The following GRIN2B variants were observed in gnomAD, a reference collection of about 807,000 sequenced individuals.
The protein encoded by GRIN2B is glutamate ionotropic receptor NMDA type subunit 2B, also known as glutamate receptor ionotropic, NMDA 2B.
In GRIN2B, 5 loss-of-function variants were observed where a neutral mutation model predicts 114.5. That is an observed-to-expected ratio of 0.04 (90% CI 0.02 to 0.09). GRIN2B has a LOEUF of 0.09. Among genes scored for constraint, GRIN2B ranks in the 10% least tolerant of loss-of-function variants. The pLI, the probability that GRIN2B is intolerant of heterozygous loss-of-function variation, is 1.00. For missense variants in GRIN2B, 1,108 were observed against 1,943.5 expected, an observed-to-expected ratio of 0.57 and a Z score of 8.08; for synonymous variants, 787 against 745.1, an observed-to-expected ratio of 1.06 and a Z score of -0.92.
At chr12:13,939,924 A>G (rs1056268370) in intron 2 of GRIN2B, among the ~76,000 whole-genome samples, 38 of 152,278 alleles carry the variant, frequency 2.5e-4, no homozygotes, top group East Asian at 7.7e-4. Flanking sequence ...ACAAAACTAG[A>G]AAGGGTTGAG....
chr12:13,839,393 A>G (rs1310381043), intron 3 of GRIN2B, among the ~76,000 whole-genome samples: 1 of 152,202 alleles, frequency 6.6e-6, no homozygotes, highest in Admixed American at 6.5e-5. Context: ...AGTTGGAGAA[A>G]ATTTGAAAGT....
At chr12:13,587,341 TTTC>T (rs1344101946) in intron 10 of GRIN2B, among the ~76,000 whole-genome samples, 1 of 150,696 alleles carries the variant, frequency 6.6e-6, no homozygotes, top group East Asian at 1.9e-4. Context: ...TTTCTTTTTA[TTTC>T]TTTTTTTTTT....
intron 4 of GRIN2B, among the ~76,000 whole-genome samples, chr12:13,688,446 C>T (rs1231591584): frequency 6.6e-6 from 1 of 152,096 alleles, no homozygotes; most frequent in Non-Finnish European, 1.5e-5. Context: ...GAGCTATGTT[C>T]ATAGGATAAT....
intron 3 of GRIN2B, among the ~76,000 whole-genome samples, chr12:13,820,706 C>T (rs553089634): frequency 3.3e-4 from 50 of 152,268 alleles, no homozygotes; most frequent in South Asian, 1.9e-3. Flanking sequence ...GGGATGAGGG[C>T]AAACCTGGTT....
At chr12:13,744,178 A>G (rs1239450927) in intron 4 of GRIN2B, among the ~76,000 whole-genome samples, 1 of 152,236 alleles carries the variant, frequency 6.6e-6, no homozygotes, top group Non-Finnish European at 1.5e-5. Flanking sequence ...GGAAATATTT[A>G]CTTGATATTC....
In GRIN2B at chr12:13,755,025, G is replaced by A. The variant is rs188889443; in HGVS notation, c.412-1110C>T. On this transcript the variant is annotated intron_variant, in intron 3 of 13. Transcript: ENST00000609686. The stretch of plus-strand genomic sequence containing the variant: ...CCTATTTCCCCTGATTTCCTCCTGG[G>A]TAATGGTATGTCTTTTCTTGCTCTG... Among the ~76,000 whole-genome samples the A allele has an allele frequency of 1.7e-3, 254 of 152,212 alleles. 1 individual carries two copies. The highest frequency in any genetic ancestry group is 2.8e-3 in the Non-Finnish European group (190 of 68,020).
chr12:13,672,652 T>C (rs1950033693), intron 5 of GRIN2B, among the ~76,000 whole-genome samples: 1 of 152,140 alleles, frequency 6.6e-6, no homozygotes, highest in African/African-American at 2.4e-5. Flanking sequence ...CTCTATGACC[T>C]CAATGAACAC....
chr12:13,700,036 T>C (rs1950296572), intron 4 of GRIN2B, among the ~76,000 whole-genome samples: 2 of 152,250 alleles, frequency 1.3e-5, no homozygotes, highest in Middle Eastern at 3.4e-3. Flanking sequence ...ATCTTTTTAT[T>C]GTAACTGGGC....
rs1279350849 is a variant in GRIN2B, at chr12:13,546,631, T to C, written c.*16152A>G. The stretch of plus-strand genomic sequence containing the variant: ...AATCTATTTCCCATTCAACCTTCTG[T>C]TTCTCATTCCAATAGACACACAATA... On this transcript the variant is annotated 3_prime_UTR_variant, in exon 14 of 14. Coordinates refer to ENST00000609686, the MANE Select transcript of GRIN2B (RefSeq NM_000834.5). 1.3e-5 allele frequency: 2 copies of C among 152,174 alleles called. No individual in the cohort carries two copies. The highest frequency in any genetic ancestry group is 4.8e-5 in the African/African-American group (2 of 41,432). 9.4% of individuals were successfully genotyped at this position (152,174 alleles called of 1,614,324 possible).
rs184600680 is a variant in GRIN2B at position 13,744,670 on chromosome 12, C to A, written c.1010+8647G>T. On this transcript the variant is annotated intron_variant, in intron 4 of 13. Coordinates refer to ENST00000609686, the MANE Select transcript of GRIN2B (RefSeq NM_000834.5). ...GAGGGAAGCTGTAGGCAGCCCCCGGCCGGCTGCTGCTGCTGGAAGCTGGAC... is the reference window on the plus strand; with the variant it reads ...GAGGGAAGCTGTAGGCAGCCCCCGGACGGCTGCTGCTGCTGGAAGCTGGAC... Among the ~76,000 whole-genome samples the A allele has an allele frequency of 5.9e-5, 9 of 152,210 alleles. No individual in the cohort carries two copies. The East Asian group carries it at 1.5e-3, about 26-fold the overall frequency.
chr12:13,909,096 C>T (rs1866590459), intron 2 of GRIN2B, among the ~76,000 whole-genome samples: 1 of 152,184 alleles, frequency 6.6e-6, no homozygotes, highest in Non-Finnish European at 1.5e-5. Context: ...TCTCCTTCTG[C>T]CTTCCACAAG....
chr12:13,632,444 T>C (rs1365359380), intron 5 of GRIN2B, among the ~76,000 whole-genome samples: 2 of 152,258 alleles, frequency 1.3e-5, no homozygotes, highest in African/African-American at 2.4e-5. Context: ...CGGGCTCAGG[T>C]GTGACTTTAT....
At chr12:13,607,335 T>A (rs1291730742) in intron 10 of GRIN2B, among the ~76,000 whole-genome samples, 2 of 55,186 alleles carry the variant, frequency 3.6e-5, no homozygotes, top group African/African-American at 7.5e-5. Flanking sequence ...ATAATATATA[T>A]TATATATAAT....
intron 2 of GRIN2B, among the ~76,000 whole-genome samples, chr12:13,939,543 C>CTTTTTTTTTTTTT (rs59671145): frequency 4.5e-5 from 4 of 88,046 alleles, no homozygotes; most frequent in African/African-American, 8.9e-5. Flanking sequence ...CTGCACCGTG[C>CTTTTTTTTTTTTT]TTTTTTTTTT....
chr12:13,719,297 C>T (rs752379596), intron 4 of GRIN2B, among the ~76,000 whole-genome samples: 2 of 151,984 alleles, frequency 1.3e-5, no homozygotes, highest in African/African-American at 4.8e-5. Flanking sequence ...TTGGCTTTTT[C>T]CCAGTTGAAT....
intron 4 of GRIN2B, among the ~76,000 whole-genome samples, chr12:13,731,717 A>G (rs1393245023): frequency 1.3e-5 from 2 of 152,208 alleles, no homozygotes; most frequent in Non-Finnish European, 2.9e-5. Context: ...GTGTCCTTCA[A>G]AATTATCTTG....
rs1385886490 is a variant in GRIN2B, at chr12:13,615,262, G to A, written c.1506C>T (p.Val502=). ...GTWNGMIGEV[V]MKRAYMAVGS... ...CCACTGCCATGTAGGCCCTCTTCAT[G>A]ACCACCTAAAAGAAAGGCGCGATGC... The change falls in exon 8 of 14, where the codon GTC becomes GTT. Residue 502 remains valine (V), a synonymous_variant. Transcript: ENST00000609686. The surrounding 1 kb of genome is among the most constrained non-coding windows in gnomAD (Gnocchi z 5.8). 1.2e-6 allele frequency: 2 copies of A among 1,613,882 alleles called. No homozygotes were observed. Among genetic ancestry groups the A allele is most frequent in the African/African-American group, 2.7e-5 (2 of 74,998 alleles).
chr12:13,792,655 G>A (rs973533219), intron 3 of GRIN2B, among the ~76,000 whole-genome samples: 3 of 152,234 alleles, frequency 2.0e-5, no homozygotes, highest in Non-Finnish European at 4.4e-5. Flanking sequence ...AGGGGTCTGT[G>A]CTCTCAATGG....
chr12:13,980,636 G>A (rs1863115054), intron 1 of GRIN2B, among the ~76,000 whole-genome samples: 2 of 152,070 alleles, frequency 1.3e-5, no homozygotes, highest in South Asian at 2.1e-4. Context: ...GCGAAGGAGG[G>A]AAGTGGGAAG....
Sources: allele counts gnomAD v4.1 joint callset (sites outside exome capture counted in the v4.1 genomes callset), GRCh38; gene constraint gnomAD v4.1.1; non-coding constraint Gnocchi (gnomAD v3.1); transcripts MANE v1.5; gene names NCBI Gene and HGNC (gene_info 2026-07-23, HGNC 2026-07-21).